Variants in RNPEP observed in about 807,000 individuals in gnomAD.
RNPEP encodes arginyl aminopeptidase.
In RNPEP, 57 loss-of-function variants were observed where a neutral mutation model predicts 70.1. That is an observed-to-expected ratio of 0.81 (90% CI 0.66 to 1.01). RNPEP has a LOEUF of 1.01. Among genes scored for constraint, RNPEP ranks in the 50% least tolerant of loss-of-function variants. The probability of loss-of-function intolerance (pLI) is 0.00; values close to 1 mark genes in which losing one functional copy is unlikely to be tolerated. For synonymous variants in RNPEP, 335 were observed against 357.4 expected (o/e 0.94, Z 0.71); for missense variants, 787 against 852.4 (o/e 0.92, Z 0.96).
chr1:201,982,883 G>A lies in RNPEP; in HGVS notation c.217G>A (p.Glu73Lys). The stretch of plus-strand genomic sequence containing the variant: ...CCTGGACCTGCGCTGCCTGGAGCCC[G>A]AGGGCGCCGCCGAGCTGCGGCTGGA... ...AVLDLRCLEP[E>K]GAAELRLDSH... Residue 73 changes from glutamate to lysine, a missense_variant, in exon 1 of 11, where the codon GAG becomes AAG. Transcript: ENST00000295640. 6.4e-6 allele frequency: 9 copies of A among 1,410,622 alleles called. No homozygotes were observed. The highest frequency in any genetic ancestry group is 3.2e-5 in the South Asian group (2 of 63,000). The allele number at this position is 1,410,622 out of a possible 1,614,324, so 87.4% of individuals were successfully genotyped here. A position where few individuals can be genotyped will look rare whatever the true frequency, so the allele number is the denominator to read the frequency against.
At chr1:201,987,299 G>A (rs4950752) in intron 1 of RNPEP, among the ~76,000 whole-genome samples, 82,034 of 151,742 alleles carry the variant, frequency 0.54, 22,734 homozygotes, top group Non-Finnish European at 0.6. Flanking sequence ...TGGAGTAATC[G>A]AATCCATTTC....
In RNPEP at chr1:202,004,608, A is replaced by C. The variant is rs1045577309; in HGVS notation, c.1794+112A>C. On this transcript the variant is annotated intron_variant, in intron 10 of 10. Transcript: ENST00000295640. ...TAGGACTCATCTGAGGCACAGAGGG[A>C]GGGGCAAATGACCTGAGGACCCTAC... The C allele has an allele frequency of 5.3e-6, 7 of 1,330,362 alleles. No homozygotes were observed. In the Middle Eastern group the frequency reaches 1.3e-3, roughly 256 times the overall value. The allele number at this position is 1,330,362 out of a possible 1,614,324, so 82.4% of individuals were successfully genotyped here.
chr1:201,984,837 T>TC (rs1558258058), intron 1 of RNPEP, among the ~76,000 whole-genome samples: 1 of 133,614 alleles, frequency 7.5e-6, no homozygotes, highest in Non-Finnish European at 1.6e-5. Context: ...TTTTTTTTTT[T>TC]TTTTTTTTTT....
chr1:201,998,054 T>C (rs6427927), intron 5 of RNPEP, among the ~76,000 whole-genome samples: 149,125 of 152,302 alleles, frequency 0.98, 73,084 homozygotes, highest in East Asian at 1. Flanking sequence ...TGAGCCACCA[T>C]GCCCAGCCCA....
At chr1:201,989,948 G>A (rs927640742) in intron 3 of RNPEP, among the ~76,000 whole-genome samples, 1 of 151,856 alleles carries the variant, frequency 6.6e-6, no homozygotes, top group Non-Finnish European at 1.5e-5. Flanking sequence ...GGGTTCAAGC[G>A]ATTCTCCTGC....
chr1:201,994,769 C>T (rs888285977), intron 3 of RNPEP, among the ~76,000 whole-genome samples: 5 of 150,228 alleles, frequency 3.3e-5, no homozygotes, highest in South Asian at 2.1e-4. Context: ...CAGGTTCAAG[C>T]GATTCTCCTG....
chr1:201,997,646 T>C (rs10920300), intron 5 of RNPEP, 92 bp downstream of exon 5: 131,396 of 957,830 alleles, frequency 0.14, 10,556 homozygotes, highest in Admixed American at 0.27. Flanking sequence ...AGAATACAAG[T>C]GGGTGTGAAG....
chr1:202,004,420 T>C lies in RNPEP; in HGVS notation c.1718T>C (p.Leu573Pro), dbSNP rs1211781631. The C allele has an allele frequency of 3.1e-6, 5 of 1,614,048 alleles. No homozygotes were observed. Among genetic ancestry groups the C allele is most frequent in the Non-Finnish European group, 3.4e-6 (4 of 1,180,030 alleles). ...AATGCCCGGAATGCAGAGCTCCGGC[T>C]GCGATGGGGCCAAATCGTCCTTAAG... is the stretch of plus-strand genomic sequence containing the variant. ...ISNARNAELR[L>P]RWGQIVLKND... is the part of the protein sequence containing the mutation. Residue 573 changes from leucine (L) to proline (P), a missense_variant, in exon 10 of 11, where the codon CTG becomes CCG. Physicochemically the swap from Leu to Pro is moderately conservative, Grantham distance 98 (BLOSUM62 -3). Transcript: ENST00000295640.
chr1:202,005,623 C>T lies in RNPEP; in HGVS notation c.1860C>T (p.Thr620=). The stretch of plus-strand genomic sequence containing the variant: ...TGGGTGGCAGTGAGGTGGCCCAGAC[C>T]CTCGCCAAGGAGACTTTTGCATCCA... ...AMMGGSEVAQ[T]LAKETFASTA... is the part of the protein sequence containing the mutation. The change falls in exon 11 of 11, where the codon ACC becomes ACT. Residue 620 remains threonine (T), a synonymous_variant. Transcript: ENST00000295640. 6.2e-7 allele frequency: 1 copy of T among 1,614,178 alleles called. No individual in the cohort carries two copies. The highest frequency in any genetic ancestry group is 1.1e-5 in the South Asian group (1 of 91,088).
intron 8 of RNPEP, among the ~76,000 whole-genome samples, chr1:202,002,687 G>A (rs1195949119): frequency 1.3e-5 from 2 of 152,206 alleles, no homozygotes; most frequent in African/African-American, 2.4e-5. Context: ...CGGGGACTCC[G>A]GAGCTAATGG....
At chr1:201,987,368 A>G (rs1683167095) in intron 1 of RNPEP, among the ~76,000 whole-genome samples, 1 of 151,904 alleles carries the variant, frequency 6.6e-6, no homozygotes, top group Non-Finnish European at 1.5e-5. Flanking sequence ...CTTCCAGGTA[A>G]ATGAATGGCT....
chr1:201,991,387 C>A (rs1460114730), intron 3 of RNPEP, among the ~76,000 whole-genome samples: 1 of 152,176 alleles, frequency 6.6e-6, no homozygotes, highest in Non-Finnish European at 1.5e-5. Context: ...TGCTCGATTA[C>A]AGGCATGAGC....
At chr1:202,000,552 G>A (rs1355955088) in intron 6 of RNPEP, among the ~76,000 whole-genome samples, 6 of 152,110 alleles carry the variant, frequency 3.9e-5, no homozygotes, top group Admixed American at 6.5e-5. Flanking sequence ...CCTTGATGCC[G>A]TTAAGTTTGC....
chr1:202,000,515 C>A (rs1422512338), intron 6 of RNPEP, among the ~76,000 whole-genome samples: 1 of 152,190 alleles, frequency 6.6e-6, no homozygotes, highest in East Asian at 1.9e-4. Context: ...TAATCTGAAA[C>A]CTTTTTATGC....
chr1:201,996,422 C>T (rs1683553379), intron 4 of RNPEP, 159 bp downstream of exon 4: 1 of 645,534 alleles, frequency 1.5e-6, no homozygotes, highest in Non-Finnish European at 2.8e-6. Context: ...ATGAGCCAGG[C>T]TTCTCACTGT....
At chr1:201,993,395 G>A (rs1184652403) in intron 3 of RNPEP, among the ~76,000 whole-genome samples, 5 of 152,176 alleles carry the variant, frequency 3.3e-5, no homozygotes, top group African/African-American at 1.2e-4. Context: ...TCAGGAGTTT[G>A]AGACTAGCCT....
intron 3 of RNPEP, among the ~76,000 whole-genome samples, chr1:201,994,833 ATTTT>A (rs34077790): frequency 1.2e-5 from 1 of 85,224 alleles, no homozygotes; most frequent in Non-Finnish European, 2.2e-5. Context: ...TGTCCTGCTA[ATTTT>A]TTTTTTTTTT....
At chr1:202,000,769 C>T (rs1436499283) in intron 6 of RNPEP, among the ~76,000 whole-genome samples, 2 of 152,018 alleles carry the variant, frequency 1.3e-5, no homozygotes, top group African/African-American at 4.8e-5. Context: ...TGATGCACAC[C>T]TGTAATCCCA....
At chr1:201,995,927 C>T (rs566657887) in intron 3 of RNPEP, 4 of 546,220 alleles carry the variant, frequency 7.3e-6, no homozygotes, top group Admixed American at 3.5e-5. Flanking sequence ...CTGCGTAGCA[C>T]GGTTCCACCT....
Sources: allele counts gnomAD v4.1 joint callset (sites outside exome capture counted in the v4.1 genomes callset), GRCh38; gene constraint gnomAD v4.1.1; transcripts MANE v1.5; gene names NCBI Gene and HGNC (gene_info 2026-07-23, HGNC 2026-07-21).